CACNA1I: variants seen among roughly 807,000 people sequenced by gnomAD.
CACNA1I encodes calcium voltage-gated channel subunit alpha1 I.
A neutral mutation model predicts 201.6 loss-of-function variants in CACNA1I; 74 were observed. The observed-to-expected ratio is 0.37, with a 90% CI of 0.30 to 0.45. CACNA1I has a LOEUF of 0.45. Among genes scored for constraint, CACNA1I ranks in the 20% least tolerant of loss-of-function variants. CACNA1I has a pLI of 1.00. For missense variants in CACNA1I, 2,346 were observed against 3,138.1 expected (o/e 0.75, Z 6.03); for synonymous variants, 1,431 against 1,345.2 (o/e 1.06, Z -1.40).
intron 3 of CACNA1I, among the ~76,000 whole-genome samples, chr22:39,606,078 G>A (rs1933211545): frequency 6.6e-6 from 1 of 152,134 alleles, no homozygotes; most frequent in African/African-American, 2.4e-5. Flanking sequence ...CCCACCATTT[G>A]TCAAAGGACA....
At position 39,646,708 on chromosome 22, in the gene CACNA1I, A is replaced by T. The variant is rs1247043853; in HGVS notation, c.1289A>T (p.Glu430Val). ...LSSSTVASYA[E>V]PGDCYEEIFQ... is the part of the protein sequence containing the mutation. ...TCCAGCACGGTGGCCAGCTACGCCG[A>T]GCCTGGCGACTGCTACGAGGAGATC... Residue 430 changes from glutamate to valine, a missense_variant, in exon 8 of 37, where the codon GAG becomes GTG. Physicochemically the swap from Glu to Val is moderately radical, Grantham distance 121 (BLOSUM62 -2). Around this residue, in one of 13 missense-constraint regions of CACNA1I, gnomAD observed 312 missense variants for 331.5 expected, o/e 0.94. Coordinates refer to ENST00000402142, the MANE Select transcript of CACNA1I (RefSeq NM_021096.4). 6.3e-7 allele frequency: 1 copy of T among 1,596,366 alleles called. No individual in the cohort carries two copies. Among genetic ancestry groups the T allele is most frequent in the Non-Finnish European group, 8.5e-7 (1 of 1,171,778 alleles).
Position 39,653,296 on chromosome 22 carries a change from G to T in CACNA1I, c.1992+3371G>T, listed in dbSNP as rs543140519. On this transcript the variant is annotated intron_variant, in intron 10 of 36. Coordinates refer to ENST00000402142, the MANE Select transcript of CACNA1I (RefSeq NM_021096.4). ...GAGCCTCAAAAAATTAAAGTAAGAG[G>T]GGGAGGATGAGTCTCTGAAATGTCC... 1.1e-3 allele frequency among the ~76,000 whole-genome samples: 170 copies of T among 152,276 alleles called. 1 individual carries two copies. Among genetic ancestry groups the T allele is most frequent in the African/African-American group, 3.9e-3 (162 of 41,550 alleles).
chr22:39,656,585 A>C, intron 10 of CACNA1I: 1 of 517,256 alleles, frequency 1.9e-6, no homozygotes, highest in Non-Finnish European at 3.9e-6. Flanking sequence ...ACCACTGCCC[A>C]CCCTGGTAGC....
In CACNA1I at chr22:39,686,393, G is replaced by A; in HGVS notation, c.6660G>A (p.Lys2220=). The change falls in exon 37 of 37, where the codon AAG becomes AAA. Residue 2220 remains lysine (K), a synonymous_variant. Transcript: ENST00000402142. ...TGGAGCCGGGAGACGCCGCCAGCAAGAGGAAGAGATGAGGGTCGCAGGGGC... is the reference window on the plus strand; with the variant it reads ...TGGAGCCGGGAGACGCCGCCAGCAAAAGGAAGAGATGAGGGTCGCAGGGGC... ...GELEPGDAAS[K]RKR is the part of the protein sequence containing the mutation. 7.8e-7 allele frequency: 1 copy of A among 1,280,016 alleles called. No homozygotes were observed. Among genetic ancestry groups the A allele is most frequent in the Non-Finnish European group, 9.9e-7 (1 of 1,011,030 alleles). 79.3% of individuals were successfully genotyped at this position (1,280,016 alleles called of 1,614,324 possible).
At chr22:39,606,585 T>C (rs1933227541) in intron 3 of CACNA1I, among the ~76,000 whole-genome samples, 1 of 152,178 alleles carries the variant, frequency 6.6e-6, no homozygotes, top group Non-Finnish European at 1.5e-5. Context: ...CAGGCTGGAG[T>C]GCAGTGGCGC....
At chr22:39,653,675 T>A (rs1934726457) in intron 10 of CACNA1I, among the ~76,000 whole-genome samples, 1 of 152,172 alleles carries the variant, frequency 6.6e-6, no homozygotes, top group African/African-American at 2.4e-5. Context: ...GTGTGACATC[T>A]GTGAAGTGGG....
At position 39,682,656 on chromosome 22, in the gene CACNA1I, G is replaced by T; in HGVS notation, c.5825G>T (p.Ser1942Ile). The change falls in exon 35 of 37, where the codon AGT becomes ATT. Residue 1942 changes from serine (S) to isoleucine (I), a missense_variant. Physicochemically the swap from Ser to Ile is moderately radical, Grantham distance 142 (BLOSUM62 -2). Transcript: ENST00000402142. ...CGGTCCTGGCTGAAACATGACAGCA[G>T]TCAAGGTGAGGGGTGGGAGCCCTGC... ...PVRSWLKHDSSQAPPSPFSPD... is the reference protein window; with the variant it reads ...PVRSWLKHDSIQAPPSPFSPD... 1 of 1,612,034 alleles carries T rather than the reference G, an allele frequency of 6.2e-7. No homozygotes were observed. Among genetic ancestry groups the T allele is most frequent in the Non-Finnish European group, 8.5e-7 (1 of 1,178,982 alleles).
chr22:39,673,120 C>A, intron 28 of CACNA1I, 38 bp downstream of exon 28: 1 of 1,471,754 alleles, frequency 6.8e-7, no homozygotes, highest in Admixed American at 1.8e-5. Context: ...CGGGGACAAG[C>A]AGGGGCGGGA....
chr22:39,642,888 T>C lies in CACNA1I; in HGVS notation c.1148T>C (p.Ile383Thr), dbSNP rs1406493643. The C allele has an allele frequency of 6.3e-7, 1 of 1,594,364 alleles. No individual in the cohort carries two copies. The highest frequency in any genetic ancestry group is 8.6e-7 in the Non-Finnish European group (1 of 1,166,354). The change falls in exon 7 of 37, where the codon ATA becomes ACA. Residue 383 changes from isoleucine (I) to threonine (T), a missense_variant and splice_region_variant. Ile to Thr is a moderately conservative substitution (Grantham distance 89). This residue lies in a region of CACNA1I where 227 missense variants were observed against 412.5 expected (regional missense o/e 0.55). Transcript: ENST00000402142. Reference protein sequence around the residue: ...YNFIYFILLIIVGSFFMINLC... With the variant: ...YNFIYFILLITVGSFFMINLC... Reference sequence around the variant, plus strand: ...TTCATCTACTTCATCCTGCTTATCATAGTAAGTGTCAGGGAGCCTGGGCTC... The same window carrying C: ...TTCATCTACTTCATCCTGCTTATCACAGTAAGTGTCAGGGAGCCTGGGCTC...
intron 1 of CACNA1I, among the ~76,000 whole-genome samples, chr22:39,595,685 C>T (rs181375282): frequency 3.3e-5 from 5 of 152,116 alleles, no homozygotes; most frequent in South Asian, 4.2e-4. Flanking sequence ...TGTGGTCATG[C>T]GGTCTCCCTC....
chr22:39,664,267 C>T (rs937808306), intron 20 of CACNA1I, 108 bp downstream of exon 20: 19 of 924,810 alleles, frequency 2.1e-5, no homozygotes, highest in Non-Finnish European at 3.2e-5. Flanking sequence ...CTTCATTTCA[C>T]TCGTAGCCCC....
Position 39,670,246 on chromosome 22 carries a change from T to C in CACNA1I, c.4387+16T>C. 6.2e-7 allele frequency: 1 copy of C among 1,607,358 alleles called. No individual in the cohort carries two copies. The highest frequency in any genetic ancestry group is 8.5e-7 in the Non-Finnish European group (1 of 1,178,836). ...AAGCGCCGGAGTGAGTGGGTGCCTG[T>C]GGAGGGCGTGGGCCACCCAGCTCTA... On this transcript the variant is annotated intron_variant, in intron 25 of 36. Coordinates refer to ENST00000402142, the MANE Select transcript of CACNA1I (RefSeq NM_021096.4).
rs764339658 is a variant in CACNA1I, at chr22:39,666,453, G to T, written c.4104+447G>T. On this transcript the variant is annotated intron_variant, in intron 23 of 36. Transcript: ENST00000402142. The surrounding 1 kb of genome is among the most constrained non-coding windows in gnomAD (Gnocchi z 4.1). Reference sequence around the variant, plus strand: ...TGAAAGGATATCAAGCCCTTGGCCCGGGGTGGTACTCTCTCCCCTCACCCA... The same window carrying T: ...TGAAAGGATATCAAGCCCTTGGCCCTGGGTGGTACTCTCTCCCCTCACCCA... Among the ~76,000 whole-genome samples the T allele has an allele frequency of 2.8e-4, 43 of 152,134 alleles. No homozygotes were observed. Among genetic ancestry groups the T allele is most frequent in the Non-Finnish European group, 7.4e-5 (5 of 68,010 alleles).
chr22:39,684,217 G>A lies in CACNA1I; in HGVS notation c.5831-85G>A. 8.5e-7 allele frequency: 1 copy of A among 1,176,998 alleles called. No homozygotes were observed. Among genetic ancestry groups the A allele is most frequent in the Non-Finnish European group, 1.2e-6 (1 of 808,336 alleles). 72.9% of individuals were successfully genotyped at this position (1,176,998 alleles called of 1,614,324 possible). A position where few individuals can be genotyped will look rare whatever the true frequency, so the allele number is the denominator to read the frequency against. On this transcript the variant is annotated intron_variant, in intron 35 of 36. Coordinates refer to ENST00000402142, the MANE Select transcript of CACNA1I (RefSeq NM_021096.4). The surrounding 1 kb of genome is among the most constrained non-coding windows in gnomAD (Gnocchi z 4.6). ...GGTGGCCCCTCACTGCTGGCCCAGT[G>A]AGATTGGTGCTCAATGCCACCTTCC...
At position 39,661,388 on chromosome 22, in the gene CACNA1I, C is replaced by T. The variant is rs918437753; in HGVS notation, c.2901+78C>T. Reference sequence around the variant, plus strand: ...GAGGGGCCCTGAAGAGAGGTACCTGCCAGTCTAGCCTCAGACTCTGGTGCC... The same window carrying T: ...GAGGGGCCCTGAAGAGAGGTACCTGTCAGTCTAGCCTCAGACTCTGGTGCC... On this transcript the variant is annotated intron_variant, in intron 16 of 36. Transcript: ENST00000402142. 26 of 1,119,468 alleles carry T rather than the reference C, an allele frequency of 2.3e-5. No homozygotes were observed. In the African/African-American group the frequency reaches 4.0e-4, roughly 17 times the overall value. The allele number at this position is 1,119,468 out of a possible 1,614,324, so 69.3% of individuals were successfully genotyped here.
intron 4 of CACNA1I, among the ~76,000 whole-genome samples, chr22:39,633,459 C>T (rs1478262739): frequency 1.3e-5 from 2 of 152,124 alleles, no homozygotes; most frequent in Non-Finnish European, 2.9e-5. Context: ...CTGAGATTGC[C>T]CAGAGCAGAA....
chr22:39,593,401 C>T (rs1162027371), intron 1 of CACNA1I, among the ~76,000 whole-genome samples: 1 of 152,176 alleles, frequency 6.6e-6, no homozygotes, highest in Non-Finnish European at 1.5e-5. Flanking sequence ...GGTGGGAGTG[C>T]TTCTGGAGAG....
intron 3 of CACNA1I, among the ~76,000 whole-genome samples, 185 bp downstream of exon 3, chr22:39,600,838 G>T (rs550706004): frequency 6.6e-6 from 1 of 152,120 alleles, no homozygotes; most frequent in African/African-American, 2.4e-5. Context: ...TAAGTTGTGC[G>T]TCCTCCAGCA....
At chr22:39,606,346 CACTT>C (rs1200938768) in intron 3 of CACNA1I, among the ~76,000 whole-genome samples, 2 of 152,316 alleles carry the variant, frequency 1.3e-5, no homozygotes, top group East Asian at 3.9e-4. Context: ...AAAAACTTTG[CACTT>C]ACTGCTGTTG....
Sources: gnomAD v4.1 joint callset for allele counts (sites outside exome capture counted in the v4.1 genomes callset) on GRCh38, gnomAD v4.1.1 for gene constraint, gnomAD v4.1.1 regional missense constraint, Gnocchi (gnomAD v3.1) non-coding constraint, MANE v1.5 for transcripts, NCBI Gene and HGNC (gene_info 2026-07-23, HGNC 2026-07-21) for gene names.